HERC6: variants seen among roughly 807,000 people sequenced by gnomAD.
HERC6 encodes the protein HECT and RLD domain containing E3 ubiquitin protein ligase family member 6, also known as probable E3 ubiquitin-protein ligase HERC6.
A neutral mutation model predicts 114.5 loss-of-function variants in HERC6; 101 were observed. The observed-to-expected ratio is 0.88, with a 90% CI of 0.75 to 1.04. HERC6 has a LOEUF of 1.04. HERC6 is among the 50% of genes least tolerant of loss of function. HERC6 has a pLI of 0.00. For synonymous variants in HERC6, 408 were observed against 436.2 expected, an observed-to-expected ratio of 0.94 and a Z score of 0.81; for missense variants, 1,133 against 1,230.9, an observed-to-expected ratio of 0.92 and a Z score of 1.19.
chr4:88,398,030 C>A, intron 7 of HERC6, 112 bp from the exon 8 acceptor site: 3 of 597,206 alleles, frequency 5.0e-6, no homozygotes, highest in Non-Finnish European at 8.7e-6. Context: ...AGTCAAAATC[C>A]ATTTAGGAGA....
At chr4:88,391,032 A>C (rs1370173361) in intron 4 of HERC6, among the ~76,000 whole-genome samples, 153 bp downstream of exon 4, 1 of 152,248 alleles carries the variant, frequency 6.6e-6, no homozygotes, top group Non-Finnish European at 1.5e-5. Context: ...TTCTTGTTGT[A>C]GCGGTAACAA....
intron 19 of HERC6, among the ~76,000 whole-genome samples, chr4:88,437,200 G>A (rs1055098948): frequency 6.6e-6 from 1 of 151,970 alleles, no homozygotes; most frequent in Non-Finnish European, 1.5e-5. Context: ...GGGATTATGG[G>A]CATGCGACAC....
At chr4:88,381,482 G>A (rs1210291937) in intron 1 of HERC6, among the ~76,000 whole-genome samples, 1 of 151,496 alleles carries the variant, frequency 6.6e-6, no homozygotes, top group Non-Finnish European at 1.5e-5. Context: ...GGAAGATAAG[G>A]GTTATTTTAA....
intron 9 of HERC6, 119 bp from the exon 10 acceptor site, chr4:88,405,435 G>A (rs1735772027): frequency 1.9e-6 from 1 of 514,968 alleles, no homozygotes; most frequent in Non-Finnish European, 3.4e-6. Context: ...TCTTAAGAGA[G>A]TAGTTATTTT....
chr4:88,437,862 T>G (rs1385339755), intron 20 of HERC6, 81 bp downstream of exon 20: 2 of 1,041,476 alleles, frequency 1.9e-6, no homozygotes, highest in African/African-American at 1.6e-5. Context: ...AAATGTATTT[T>G]TAAATATGGT....
chr4:88,407,057 C>A (rs1432113839), intron 10 of HERC6, among the ~76,000 whole-genome samples: 1 of 150,866 alleles, frequency 6.6e-6, no homozygotes, highest in Non-Finnish European at 1.5e-5. Flanking sequence ...CCGCGCCCAG[C>A]CTCTTTTTTA....
intron 12 of HERC6, 110 bp from the exon 13 acceptor site, chr4:88,417,315 T>A: frequency 9.9e-7 from 1 of 1,006,582 alleles, no homozygotes; most frequent in Non-Finnish European, 1.5e-6. Context: ...AATTATGCCA[T>A]CAGAAATGTA....
chr4:88,424,377 G>A (rs1230579248), intron 14 of HERC6, among the ~76,000 whole-genome samples: 1 of 152,066 alleles, frequency 6.6e-6, no homozygotes, highest in Non-Finnish European at 1.5e-5. Context: ...CTACTCAAGA[G>A]GCTGAGGTGG....
At chr4:88,421,967 A>G (rs1190552086) in intron 13 of HERC6, among the ~76,000 whole-genome samples, 1 of 152,126 alleles carries the variant, frequency 6.6e-6, no homozygotes, top group African/African-American at 2.4e-5. Context: ...TAGTCTTTTT[A>G]TTATTGAGTC....
At chr4:88,385,652 T>G (rs926516984) in intron 3 of HERC6, 77 bp downstream of exon 3, 1 of 682,830 alleles carries the variant, frequency 1.5e-6, no homozygotes, top group African/African-American at 1.9e-5. Flanking sequence ...TGATTTTTAA[T>G]GCACTGGGGT....
chr4:88,379,062 C>A lies in HERC6; in HGVS notation c.141C>A (p.Cys47Ter). The change falls in exon 1 of 23, where the codon TGC (cysteine) becomes TGA (stop). Residue 47 changes from cysteine (C) to a stop codon, truncating the protein, a stop_gained. Coordinates refer to ENST00000264346, the MANE Select transcript of HERC6 (RefSeq NM_017912.4). LOFTEE classifies it high-confidence loss of function. The part of the protein sequence containing the change: ...LLLTNHRVLS[C>*]GDNSRGQLGR... ...TGACCAACCACAGGGTCCTCTCGTG[C>A]GGAGACAACAGCAGGGGTCAGCTGG... 1 of 1,555,006 alleles carries A rather than the reference C, an allele frequency of 6.4e-7. No individual in the cohort carries two copies. The highest frequency in any genetic ancestry group is 1.4e-5 in the African/African-American group (1 of 73,414).
chr4:88,389,944 A>G (rs1734804580), intron 3 of HERC6, among the ~76,000 whole-genome samples: 1 of 152,088 alleles, frequency 6.6e-6, no homozygotes, highest in Non-Finnish European at 1.5e-5. Context: ...TGGGAGGCTG[A>G]GGCAGGTGGA....
chr4:88,386,034 TCCACCCTCCTTTGTCCACC>T (rs1734557690), intron 3 of HERC6, among the ~76,000 whole-genome samples: 1 of 152,076 alleles, frequency 6.6e-6, no homozygotes, highest in Non-Finnish European at 1.5e-5. Flanking sequence ...TCTACCAACC[TCCACCCTCCTTTGTCCACC>T]CTCAATCCAA....
chr4:88,438,569 T>C (rs1168471868), intron 20 of HERC6, among the ~76,000 whole-genome samples: 1 of 152,182 alleles, frequency 6.6e-6, no homozygotes, highest in African/African-American at 2.4e-5. Flanking sequence ...TGTAATATAA[T>C]GTCAGATAAG....
chr4:88,403,270 G>A (rs1255241376), intron 8 of HERC6, among the ~76,000 whole-genome samples: 6 of 152,250 alleles, frequency 3.9e-5, no homozygotes, highest in Admixed American at 1.3e-4. Context: ...GAAACTATGG[G>A]GTGGAGCCCA....
At chr4:88,391,691 C>T (rs1734925721) in intron 4 of HERC6, among the ~76,000 whole-genome samples, 1 of 152,146 alleles carries the variant, frequency 6.6e-6, no homozygotes, top group African/African-American at 2.4e-5. Flanking sequence ...AGACTGCTAA[C>T]ATTAGGTCAA....
intron 6 of HERC6, among the ~76,000 whole-genome samples, chr4:88,396,626 A>C (rs1735244923): frequency 2.0e-5 from 3 of 152,246 alleles, no homozygotes; most frequent in Admixed American, 2.0e-4. Context: ...AAGACCTATC[A>C]ATAACATTCT....
At chr4:88,436,868 C>CA (rs1738804237) in intron 18 of HERC6, 37 bp from the exon 19 acceptor site, 1 of 1,409,714 alleles carries the variant, frequency 7.1e-7, no homozygotes, top group Admixed American at 1.9e-5. Flanking sequence ...TTTATAAGAT[C>CA]AATAAATATA....
chr4:88,405,376 G>A (rs1034263042), intron 9 of HERC6, among the ~76,000 whole-genome samples, 178 bp from the exon 10 acceptor site: 3 of 152,270 alleles, frequency 2.0e-5, no homozygotes, highest in African/African-American at 7.2e-5. Context: ...AAGGGTTTTG[G>A]TGAGATTTAG....
Sources: allele counts gnomAD v4.1 joint callset (sites outside exome capture counted in the v4.1 genomes callset), GRCh38; gene constraint gnomAD v4.1.1; transcripts MANE v1.5; gene names NCBI Gene and HGNC (gene_info 2026-07-23, HGNC 2026-07-21).